The following ERBIN variants were observed in gnomAD, a reference collection of about 807,000 sequenced individuals.
ERBIN encodes erbb2 interacting protein.
In ERBIN, 60 loss-of-function variants were observed where a neutral mutation model predicts 158.4. That is an observed-to-expected ratio of 0.38 (90% CI 0.31 to 0.47). The LOEUF (loss-of-function observed/expected upper bound fraction) is 0.47, where lower values mean the gene tolerates loss of function less well. Ranked by LOEUF, ERBIN falls within the 20% of genes least tolerant of loss-of-function variation. The pLI, the probability that ERBIN is intolerant of heterozygous loss-of-function variation, is 0.99. For missense variants in ERBIN, 1,610 were observed against 1,648.0 expected (o/e 0.98, Z 0.40); for synonymous variants, 594 against 557.2 (o/e 1.07, Z -0.93).
chr5:65,980,452 A>G (rs747071276), intron 1 of ERBIN, among the ~76,000 whole-genome samples: 2 of 152,282 alleles, frequency 1.3e-5, no homozygotes, highest in Middle Eastern at 3.4e-3. Flanking sequence ...CAAAGCAAAA[A>G]TAAATAATAA....
At chr5:66,003,923 CTTTTTT>C (rs35063438) in intron 4 of ERBIN, among the ~76,000 whole-genome samples, 1 of 62,658 alleles carries the variant, frequency 1.6e-5, no homozygotes, top group Non-Finnish European at 2.9e-5. Flanking sequence ...GAGCAGCAGT[CTTTTTT>C]TTTTTTTTTT....
At chr5:65,960,581 C>T (rs963728611) in intron 1 of ERBIN, among the ~76,000 whole-genome samples, 2 of 152,072 alleles carry the variant, frequency 1.3e-5, no homozygotes, top group African/African-American at 2.4e-5. Context: ...TCTCATGTGC[C>T]GCCAGAGTTA....
At chr5:65,998,419 T>C (rs1432498736) in intron 4 of ERBIN, among the ~76,000 whole-genome samples, 3 of 151,908 alleles carry the variant, frequency 2.0e-5, no homozygotes, top group African/African-American at 7.2e-5. Flanking sequence ...GTTAGTGCCG[T>C]ACTGACGTTC....
At chr5:65,957,391 G>A (rs1195966595) in intron 1 of ERBIN, among the ~76,000 whole-genome samples, 1 of 152,018 alleles carries the variant, frequency 6.6e-6, no homozygotes, top group Non-Finnish European at 1.5e-5. Context: ...GTATCCCTGG[G>A]TACTTGAGAT....
chr5:66,008,414 A>G (rs533946952), intron 4 of ERBIN, among the ~76,000 whole-genome samples: 1 of 152,308 alleles, frequency 6.6e-6, no homozygotes, highest in East Asian at 1.9e-4. Context: ...GTGAGACTCC[A>G]TCGCTAAATA....
intron 2 of ERBIN, among the ~76,000 whole-genome samples, chr5:65,990,500 C>T (rs1220534020): frequency 6.6e-6 from 1 of 151,960 alleles, no homozygotes; most frequent in Non-Finnish European, 1.5e-5. Context: ...AACCCTGTCT[C>T]TACTAAAAAT....
intron 12 of ERBIN, 65 bp from the exon 13 acceptor site, chr5:66,026,236 GT>G (rs1260222468): frequency 1.0e-6 from 1 of 985,314 alleles, no homozygotes; most frequent in African/African-American, 1.7e-5. Flanking sequence ...CAAAAATGAT[GT>G]TTTTTATATG....
intron 14 of ERBIN, among the ~76,000 whole-genome samples, chr5:66,030,219 T>A (rs1435493672): frequency 6.6e-6 from 1 of 150,988 alleles, no homozygotes; most frequent in African/African-American, 2.4e-5. Context: ...TTGTATTTTT[T>A]TTAGTAGAGA....
intron 2 of ERBIN, among the ~76,000 whole-genome samples, chr5:65,992,212 C>T (rs1402996782): frequency 3.3e-5 from 5 of 152,070 alleles, no homozygotes; most frequent in Admixed American, 6.6e-5. Flanking sequence ...TGCAGTGGCG[C>T]GATCTCGGCT....
intron 4 of ERBIN, among the ~76,000 whole-genome samples, chr5:66,011,797 C>G (rs182969273): frequency 6.6e-6 from 1 of 151,884 alleles, no homozygotes. Flanking sequence ...GTAGAAGGCA[C>G]TAATTTTCAG....
At chr5:66,011,612 A>G (rs1754211964) in intron 4 of ERBIN, among the ~76,000 whole-genome samples, 1 of 152,180 alleles carries the variant, frequency 6.6e-6, no homozygotes, top group African/African-American at 2.4e-5. Context: ...ACTTGAACCC[A>G]GGAGGCAGAG....
At chr5:66,037,513 T>C (rs1757511651) in intron 14 of ERBIN, among the ~76,000 whole-genome samples, 1 of 152,036 alleles carries the variant, frequency 6.6e-6, no homozygotes, top group Admixed American at 6.6e-5. Flanking sequence ...TTAAGGAAAT[T>C]GTTCAGGAAT....
intron 2 of ERBIN, among the ~76,000 whole-genome samples, chr5:65,989,521 C>G (rs771877537): frequency 6.6e-6 from 1 of 152,124 alleles, no homozygotes; most frequent in African/African-American, 2.4e-5. Context: ...TTTCTGAATT[C>G]GTTCTCCTTT....
chr5:66,028,445 T>C (rs1228678353), intron 14 of ERBIN, 102 bp downstream of exon 14: 1 of 772,238 alleles, frequency 1.3e-6, no homozygotes, highest in Non-Finnish European at 2.1e-6. Flanking sequence ...ATACATGTGG[T>C]ACACATGTAA....
chr5:65,933,641 T>A (rs1438191788), intron 1 of ERBIN, among the ~76,000 whole-genome samples: 1 of 152,170 alleles, frequency 6.6e-6, no homozygotes, highest in South Asian at 2.1e-4. Context: ...GATCCCACTT[T>A]CTTCTTGTTT....
chr5:66,002,702 A>G (rs755595054), intron 4 of ERBIN, among the ~76,000 whole-genome samples: 5 of 152,204 alleles, frequency 3.3e-5, no homozygotes, highest in Non-Finnish European at 7.3e-5. Context: ...ACTTGAGAAA[A>G]TCTGATGACT....
chr5:66,068,249 G>A (rs1169584745), intron 21 of ERBIN, among the ~76,000 whole-genome samples: 1 of 151,832 alleles, frequency 6.6e-6, no homozygotes. Flanking sequence ...CAGGAGGCAA[G>A]ATCTTTGAGC....
chr5:65,968,429 C>G (rs1303965867), intron 1 of ERBIN, among the ~76,000 whole-genome samples: 1 of 152,122 alleles, frequency 6.6e-6, no homozygotes, highest in Non-Finnish European at 1.5e-5. Context: ...GGTGCAATTA[C>G]CAGACTTTGA....
At chr5:66,059,581 AG>A (rs1760021771) in intron 21 of ERBIN, among the ~76,000 whole-genome samples, 1 of 152,190 alleles carries the variant, frequency 6.6e-6, no homozygotes, top group Non-Finnish European at 1.5e-5. Context: ...TATGTTGAAT[AG>A]GAGTGGTGAG....
Sources: allele counts gnomAD v4.1 joint callset (sites outside exome capture counted in the v4.1 genomes callset), GRCh38; gene constraint gnomAD v4.1.1; transcripts MANE v1.5; gene names NCBI Gene and HGNC (gene_info 2026-07-23, HGNC 2026-07-21).